LHFPL3: variants seen among roughly 807,000 people sequenced by gnomAD.
The protein encoded by LHFPL3 is LHFPL tetraspan subfamily member 3, also known as LHFPL tetraspan subfamily member 3 protein.
LHFPL3 carries 5 observed loss-of-function variants against 19.3 expected under a neutral mutation model. That is an observed-to-expected ratio of 0.26 (90% CI 0.14 to 0.54). The LOEUF (loss-of-function observed/expected upper bound fraction) is 0.54. LHFPL3 is among the 20% of genes least tolerant of loss of function. The pLI, the probability that LHFPL3 is intolerant of heterozygous loss-of-function variation, is 0.94. For missense variants in LHFPL3, 249 were observed against 307.4 expected (o/e 0.81, Z 1.42); for synonymous variants, 133 against 126.2 (o/e 1.05, Z -0.36).
intron 1 of LHFPL3, among the ~76,000 whole-genome samples, chr7:104,735,955 G>C (rs527634428): frequency 6.6e-6 from 1 of 152,312 alleles, no homozygotes; most frequent in Non-Finnish European, 1.5e-5. Context: ...ATATCTCTTT[G>C]ACATACTAAT....
chr7:104,827,626 TTGATAG>T (rs1790850951), intron 2 of LHFPL3, among the ~76,000 whole-genome samples: 1 of 151,700 alleles, frequency 6.6e-6, no homozygotes. Flanking sequence ...TTTTTTTTGA[TTGATAG>T]TATCTTGTCT....
intron 2 of LHFPL3, among the ~76,000 whole-genome samples, chr7:104,815,104 C>T (rs944635557): frequency 1.3e-5 from 2 of 152,282 alleles, no homozygotes; most frequent in Admixed American, 6.5e-5. Context: ...CCCCCAACCC[C>T]GAGAGCACGA....
intron 1 of LHFPL3, among the ~76,000 whole-genome samples, chr7:104,477,025 C>G (rs1406452410): frequency 6.6e-6 from 1 of 152,048 alleles, no homozygotes; most frequent in Non-Finnish European, 1.5e-5. Context: ...AAGTCTTGCT[C>G]TCTTACCCAG....
intron 1 of LHFPL3, among the ~76,000 whole-genome samples, chr7:104,336,673 TC>T (rs1789815742): frequency 2.0e-5 from 3 of 152,202 alleles, no homozygotes; most frequent in East Asian, 1.9e-4. Context: ...TTCTGATATC[TC>T]CCCCACCCTA....
At position 104,430,392 on chromosome 7, in the gene LHFPL3, A is replaced by ATACATG. The variant is rs1554393134; in HGVS notation, c.445+101170_445+101171insCATGTA. Among the ~76,000 whole-genome samples, 32 of 56,562 alleles carry ATACATG rather than the reference A, an allele frequency of 5.7e-4. 2 individuals are homozygous for ATACATG. In the Admixed American group the frequency reaches 7.5e-3, roughly 13 times the overall value. 37.1% of individuals were successfully genotyped at this position (56,562 alleles called of 152,430 possible). On this transcript the variant is annotated intron_variant, in intron 1 of 2. Transcript: ENST00000424859. ...TGGGTATATATATATACATATATAT[A>ATACATG]TATATATATATACATATATATATAT...
chr7:104,698,533 C>G (rs1249488130), intron 1 of LHFPL3, among the ~76,000 whole-genome samples: 1 of 152,096 alleles, frequency 6.6e-6, no homozygotes, highest in African/African-American at 2.4e-5. Flanking sequence ...AAATGTCTAC[C>G]CACAGAATGG....
intron 1 of LHFPL3, among the ~76,000 whole-genome samples, chr7:104,410,434 G>A (rs1372245992): frequency 6.6e-6 from 1 of 152,208 alleles, no homozygotes. Context: ...CACCCGGCCT[G>A]TATGTCTGTT....
chr7:104,727,205 C>T (rs1793608320), intron 1 of LHFPL3, among the ~76,000 whole-genome samples: 1 of 151,982 alleles, frequency 6.6e-6, no homozygotes, highest in African/African-American at 2.4e-5. Flanking sequence ...TTGTTAAAGT[C>T]CCTCGTAGAT....
intron 2 of LHFPL3, among the ~76,000 whole-genome samples, chr7:104,843,357 C>G (rs1040678265): frequency 1.6e-4 from 24 of 152,216 alleles, no homozygotes; most frequent in African/African-American, 5.5e-4. Flanking sequence ...GAATGCACCT[C>G]GATGGAAGCT....
At chr7:104,430,441 T>TATATATATAC (rs1791971358) in intron 1 of LHFPL3, among the ~76,000 whole-genome samples, 1 of 15,790 alleles carries the variant, frequency 6.3e-5, no homozygotes, top group Admixed American at 9.2e-4. Context: ...TATATATATA[T>TATATATATAC]ATATATATAT....
At chr7:104,350,884 A>G (rs145494823) in intron 1 of LHFPL3, among the ~76,000 whole-genome samples, 3 of 152,256 alleles carry the variant, frequency 2.0e-5, no homozygotes, top group Non-Finnish European at 4.4e-5. Context: ...TACTAAAAAT[A>G]CAAACATTAG....
At chr7:104,736,569 G>T in intron 1 of LHFPL3, 106 bp from the exon 2 acceptor site, 1 of 743,796 alleles carries the variant, frequency 1.3e-6, no homozygotes, top group South Asian at 1.8e-5. Context: ...TTTAAATCAA[G>T]AATAATTTGA....
chr7:104,445,141 A>T (rs1028844432), intron 1 of LHFPL3, among the ~76,000 whole-genome samples: 1 of 152,188 alleles, frequency 6.6e-6, no homozygotes, highest in Non-Finnish European at 1.5e-5. Context: ...TATATTGGTC[A>T]TCTGGCTAAG....
intron 2 of LHFPL3, among the ~76,000 whole-genome samples, chr7:104,818,404 A>G (rs1790608446): frequency 6.7e-6 from 1 of 149,296 alleles, no homozygotes; most frequent in Non-Finnish European, 1.5e-5. Flanking sequence ...AAAAAAAAAA[A>G]CAGGCACGTA....
At chr7:104,587,807 C>T (rs566026512) in intron 1 of LHFPL3, among the ~76,000 whole-genome samples, 36 of 152,160 alleles carry the variant, frequency 2.4e-4, no homozygotes, top group African/African-American at 7.7e-4. Flanking sequence ...TTAATGATCG[C>T]CATTCTAACT....
At position 104,705,498 on chromosome 7, in the gene LHFPL3, T is replaced by C. The variant is rs139681287; in HGVS notation, c.446-31177T>C. 6.6e-3 allele frequency among the ~76,000 whole-genome samples: 1,009 copies of C among 152,342 alleles called. 13 individuals carry two copies. The highest frequency in any genetic ancestry group is 0.023 in the African/African-American group (951 of 41,584). On this transcript the variant is annotated intron_variant, in intron 1 of 2. Transcript: ENST00000424859. The stretch of plus-strand genomic sequence containing the variant: ...CATCTCCTTCAGGAGCCTTAGTATT[T>C]GTTAGAGTTCTCTCCCCCTTCTTTT...
intron 1 of LHFPL3, among the ~76,000 whole-genome samples, chr7:104,408,206 T>G (rs1387345623): frequency 6.6e-6 from 1 of 152,220 alleles, no homozygotes; most frequent in Non-Finnish European, 1.5e-5. Flanking sequence ...CTTTGACTCT[T>G]CTTTTCTGGC....
At chr7:104,892,343 G>A (rs1204609780) in intron 2 of LHFPL3, among the ~76,000 whole-genome samples, 2 of 152,060 alleles carry the variant, frequency 1.3e-5, no homozygotes, top group African/African-American at 2.4e-5. Flanking sequence ...TTATAAAAAT[G>A]ATGTGTGTTC....
At chr7:104,804,846 A>G (rs565458381) in intron 2 of LHFPL3, among the ~76,000 whole-genome samples, 3 of 152,346 alleles carry the variant, frequency 2.0e-5, no homozygotes, top group East Asian at 3.9e-4. Context: ...TATTGAGACA[A>G]TGGATCCAGC....
Sources: allele counts gnomAD v4.1 joint callset (sites outside exome capture counted in the v4.1 genomes callset), GRCh38; gene constraint gnomAD v4.1.1; transcripts MANE v1.5; gene names NCBI Gene and HGNC (gene_info 2026-07-23, HGNC 2026-07-21).